The following FMN1 variants were observed in gnomAD, a reference collection of about 807,000 sequenced individuals.
The protein encoded by FMN1 is formin 1.
Under a neutral mutation model 132.4 loss-of-function variants are expected in FMN1, and 110 were observed. The observed-to-expected ratio is 0.83, with a 90% CI of 0.71 to 0.97. The LOEUF (loss-of-function observed/expected upper bound fraction) is 0.97. Ranked by LOEUF, FMN1 falls within the 50% of genes least tolerant of loss-of-function variation. FMN1 has a pLI of 0.00. For missense variants in FMN1, 1,792 were observed against 1,705.3 expected (o/e 1.05, Z -0.90); for synonymous variants, 722 against 651.7 (o/e 1.11, Z -1.64).
intron 17 of FMN1, among the ~76,000 whole-genome samples, chr15:32,820,322 C>A (rs1447241934): frequency 6.6e-6 from 1 of 152,148 alleles, no homozygotes; most frequent in Non-Finnish European, 1.5e-5. Flanking sequence ...AGACAGGCCA[C>A]TTTTTCTTTT....
At chr15:32,783,788 T>C in intron 19 of FMN1, among the ~76,000 whole-genome samples, 1 of 123,034 alleles carries the variant, frequency 8.1e-6, no homozygotes, top group South Asian at 2.9e-4. Context: ...AAAAAAATAG[T>C]TGAAGTGGCG....
chr15:33,155,913 A>G (rs1320940455), intron 3 of FMN1, among the ~76,000 whole-genome samples: 3 of 152,132 alleles, frequency 2.0e-5, no homozygotes, highest in Non-Finnish European at 4.4e-5. Context: ...CAAACTCTAT[A>G]TTTCTAGTTT....
chr15:32,998,192 T>C (rs1364646133), intron 7 of FMN1, among the ~76,000 whole-genome samples: 1 of 152,210 alleles, frequency 6.6e-6, no homozygotes, highest in African/African-American at 2.4e-5. Context: ...TATTTGATGG[T>C]ATCACAAATT....
intron 17 of FMN1, among the ~76,000 whole-genome samples, chr15:32,851,213 A>G (rs1449821648): frequency 6.6e-6 from 1 of 152,234 alleles, no homozygotes; most frequent in Non-Finnish European, 1.5e-5. Context: ...AAGCGAAATT[A>G]ACGGAGAATG....
chr15:33,027,062 C>T (rs2035710680), intron 6 of FMN1, among the ~76,000 whole-genome samples: 1 of 151,824 alleles, frequency 6.6e-6, no homozygotes, highest in Non-Finnish European at 1.5e-5. Context: ...ACAAGAAAGC[C>T]TAACAGACAT....
intron 15 of FMN1, among the ~76,000 whole-genome samples, chr15:32,894,015 C>T (rs7162186): frequency 0.19 from 28,539 of 152,176 alleles, 2,829 homozygotes; most frequent in Middle Eastern, 0.22. Context: ...TGCTTATGTG[C>T]CCGCTGCTGC....
At chr15:33,065,554 C>T (rs10851823) in intron 5 of FMN1, among the ~76,000 whole-genome samples, 46,749 of 152,048 alleles carry the variant, frequency 0.31, 7,693 homozygotes, top group Admixed American at 0.37. Context: ...TTCCTATAAA[C>T]GAATGAATGA....
intron 4 of FMN1, among the ~76,000 whole-genome samples, chr15:33,126,306 TG>T (rs1566938974): frequency 6.6e-6 from 1 of 152,088 alleles, no homozygotes; most frequent in Non-Finnish European, 1.5e-5. Flanking sequence ...CAGGCCCTCA[TG>T]GATGGGCAAC....
chr15:32,911,268 G>C (rs1403286461), intron 10 of FMN1, among the ~76,000 whole-genome samples: 1 of 152,164 alleles, frequency 6.6e-6, no homozygotes, highest in African/African-American at 2.4e-5. Flanking sequence ...AATGGATTTG[G>C]CTATCGAAGT....
chr15:33,125,896 C>T (rs1963016358), intron 4 of FMN1, among the ~76,000 whole-genome samples: 1 of 152,082 alleles, frequency 6.6e-6, no homozygotes, highest in Non-Finnish European at 1.5e-5. Flanking sequence ...TGGCTATAGC[C>T]TATTGAAAAG....
chr15:33,059,441 T>C (rs1280253648), intron 6 of FMN1, among the ~76,000 whole-genome samples: 2 of 152,202 alleles, frequency 1.3e-5, no homozygotes. Flanking sequence ...ATTTTGTAGT[T>C]CTATTTTTAG....
At chr15:32,823,852 A>T (rs970021957) in intron 17 of FMN1, among the ~76,000 whole-genome samples, 1 of 152,220 alleles carries the variant, frequency 6.6e-6, no homozygotes, top group Non-Finnish European at 1.5e-5. Context: ...TTCATATTCG[A>T]AAAGTATTCT....
At chr15:32,956,360 C>CTTT (rs68023229) in intron 9 of FMN1, among the ~76,000 whole-genome samples, 7 of 147,506 alleles carry the variant, frequency 4.7e-5, no homozygotes, top group African/African-American at 1.7e-4. Context: ...CCTAACCACT[C>CTTT]TTTTTTTTTT....
At chr15:33,145,701 G>A (rs1018031442) in intron 4 of FMN1, among the ~76,000 whole-genome samples, 1 of 151,008 alleles carries the variant, frequency 6.6e-6, no homozygotes, top group African/African-American at 2.4e-5. Context: ...AGAAGACTCT[G>A]GACGGGCATG....
intron 17 of FMN1, among the ~76,000 whole-genome samples, chr15:32,842,461 A>G (rs532553977): frequency 6.6e-6 from 1 of 152,352 alleles, no homozygotes; most frequent in Admixed American, 6.5e-5. Context: ...GTTGTAGCCT[A>G]CTAAGTTTTG....
chr15:32,888,944 G>A (rs2059960552), intron 15 of FMN1, among the ~76,000 whole-genome samples: 1 of 146,016 alleles, frequency 6.8e-6, no homozygotes, highest in African/African-American at 2.6e-5. Context: ...CTGCAGCCTT[G>A]ACCTTCCAGG....
chr15:32,967,304 T>C (rs951038894), intron 8 of FMN1, among the ~76,000 whole-genome samples: 1 of 152,180 alleles, frequency 6.6e-6, no homozygotes, highest in Admixed American at 6.5e-5. Context: ...CTGTTGCTCA[T>C]GAAGTCTCTC....
At chr15:32,841,617 G>T (rs902352124) in intron 17 of FMN1, among the ~76,000 whole-genome samples, 10 of 152,158 alleles carry the variant, frequency 6.6e-5, no homozygotes, top group Non-Finnish European at 1.3e-4. Context: ...TGATGTGATG[G>T]TTCTTGTGTG....
chr15:33,105,683 T>C (rs2039458220), intron 4 of FMN1: 1 of 152,194 alleles, frequency 6.6e-6, no homozygotes, highest in African/African-American at 2.4e-5. Context: ...TTACTTCCTG[T>C]TTTCTCTTTC....
Sources: allele counts gnomAD v4.1 joint callset (sites outside exome capture counted in the v4.1 genomes callset), GRCh38; gene constraint gnomAD v4.1.1; transcripts MANE v1.5; gene names NCBI Gene and HGNC (gene_info 2026-07-23, HGNC 2026-07-21).